Variants in GABRG3 observed in about 807,000 individuals in gnomAD.
GABRG3 encodes the protein gamma-aminobutyric acid type A receptor subunit gamma3.
GABRG3 carries 25 observed loss-of-function variants against 48.8 expected under a neutral mutation model. The observed-to-expected ratio is 0.51, with a 90% CI of 0.37 to 0.72. GABRG3 has a LOEUF of 0.72. Among genes scored for constraint, GABRG3 ranks in the 30% least tolerant of loss-of-function variants. GABRG3 has a pLI of 0.00. For synonymous variants in GABRG3, 227 were observed against 217.6 expected, an observed-to-expected ratio of 1.04 and a Z score of -0.38; for missense variants, 394 against 577.9, an observed-to-expected ratio of 0.68 and a Z score of 3.26.
chr15:27,388,271 G>A (rs1468869834), intron 5 of GABRG3, among the ~76,000 whole-genome samples: 2 of 48,876 alleles, frequency 4.1e-5, no homozygotes, highest in Non-Finnish European at 7.8e-5. Flanking sequence ...AGGAGGGAGG[G>A]AGGGTAAGGA....
At chr15:26,998,017 G>C (rs1054048809) in intron 2 of GABRG3, among the ~76,000 whole-genome samples, 1 of 152,190 alleles carries the variant, frequency 6.6e-6, no homozygotes, top group Non-Finnish European at 1.5e-5. Flanking sequence ...TGATGTATTT[G>C]TGGCTTGGGA....
chr15:27,360,983 A>G (rs1895004665), intron 5 of GABRG3, among the ~76,000 whole-genome samples: 1 of 152,146 alleles, frequency 6.6e-6, no homozygotes, highest in Non-Finnish European at 1.5e-5. Context: ...TGGAGGCCTT[A>G]GTTTCCCCAA....
chr15:27,214,920 G>C (rs575691311), intron 3 of GABRG3, among the ~76,000 whole-genome samples: 1 of 152,226 alleles, frequency 6.6e-6, no homozygotes, highest in South Asian at 2.1e-4. Flanking sequence ...AACCCAAAAG[G>C]TCCAAATCCT....
intron 5 of GABRG3, among the ~76,000 whole-genome samples, chr15:27,429,508 A>G (rs1320641556): frequency 2.0e-5 from 3 of 152,224 alleles, no homozygotes; most frequent in Non-Finnish European, 1.5e-5. Flanking sequence ...GAATTCTGCA[A>G]CTGTCACCAC....
chr15:27,470,063 C>T lies in GABRG3; in HGVS notation c.575-10587C>T, dbSNP rs186982826. Among the ~76,000 whole-genome samples, 17 of 152,248 alleles carry T rather than the reference C, an allele frequency of 1.1e-4. No individual in the cohort carries two copies. In the East Asian group the frequency reaches 2.9e-3, roughly 26 times the overall value. On this transcript the variant is annotated intron_variant, in intron 5 of 9. Transcript: ENST00000615808. Reference sequence around the variant, plus strand: ...GGTTTGTTTATTGAAAAAACTTGCACATCAGTACTTATTTAGCCTGAAATT... The same window carrying T: ...GGTTTGTTTATTGAAAAAACTTGCATATCAGTACTTATTTAGCCTGAAATT...
At chr15:27,243,058 C>T (rs911234421) in intron 3 of GABRG3, among the ~76,000 whole-genome samples, 21 of 152,166 alleles carry the variant, frequency 1.4e-4, no homozygotes, top group African/African-American at 4.8e-4. Context: ...TAGATGATTA[C>T]GACCCGTAGC....
rs866226512 is a variant in GABRG3 at position 27,307,772 on chromosome 15, A to C, written c.271-19037A>C. ...ATATATAAACATATAAAATAAACAT[A>C]TGTTTATATATAAACATATATATAA... On this transcript the variant is annotated intron_variant, in intron 3 of 9. Transcript: ENST00000615808. Among the ~76,000 whole-genome samples the C allele has an allele frequency of 4.0e-3, 456 of 113,360 alleles. 3 individuals carry two copies. Among genetic ancestry groups the C allele is most frequent in the African/African-American group, 0.015 (423 of 27,938 alleles). The allele number at this position is 113,360 out of a possible 152,430, so 74.4% of individuals were successfully genotyped here. A position where few individuals can be genotyped will look rare whatever the true frequency, so the allele number is the denominator to read the frequency against.
At chr15:27,042,763 C>T (rs1314986093) in intron 3 of GABRG3, among the ~76,000 whole-genome samples, 2 of 152,246 alleles carry the variant, frequency 1.3e-5, no homozygotes, top group Admixed American at 6.5e-5. Context: ...AATGCTCAGC[C>T]ACCTGGATGA....
chr15:27,039,299 G>A (rs1343900520), intron 3 of GABRG3, among the ~76,000 whole-genome samples: 3 of 152,208 alleles, frequency 2.0e-5, no homozygotes, highest in Non-Finnish European at 2.9e-5. Flanking sequence ...GCCAAGCACA[G>A]GATCTTTGTC....
chr15:27,414,698 C>G (rs1014795507), intron 5 of GABRG3, among the ~76,000 whole-genome samples: 4 of 152,172 alleles, frequency 2.6e-5, no homozygotes, highest in African/African-American at 9.7e-5. Context: ...AGAGACCACA[C>G]TCTCATGAGC....
chr15:27,164,729 G>A (rs114685766), intron 3 of GABRG3, among the ~76,000 whole-genome samples: 3,497 of 152,304 alleles, frequency 0.023, 140 homozygotes, highest in African/African-American at 0.08. Context: ...TGAGATTTAC[G>A]TCGAACCTTT....
At chr15:27,286,241 T>C (rs1891607530) in intron 3 of GABRG3, among the ~76,000 whole-genome samples, 1 of 152,204 alleles carries the variant, frequency 6.6e-6, no homozygotes, top group Non-Finnish European at 1.5e-5. Flanking sequence ...AGGGCACTGT[T>C]TGACTTGCTT....
At chr15:27,322,494 A>C (rs903553213) in intron 3 of GABRG3, among the ~76,000 whole-genome samples, 1 of 152,196 alleles carries the variant, frequency 6.6e-6, no homozygotes, top group Admixed American at 6.5e-5. Flanking sequence ...CCATCCCATC[A>C]TGTTCTTCTT....
intron 5 of GABRG3, among the ~76,000 whole-genome samples, chr15:27,405,398 G>T (rs903493555): frequency 6.6e-6 from 1 of 152,188 alleles, no homozygotes; most frequent in Non-Finnish European, 1.5e-5. Flanking sequence ...ATGCATGTTA[G>T]ATTGGAAACA....
intron 2 of GABRG3, among the ~76,000 whole-genome samples, chr15:26,980,502 C>A (rs1003962404): frequency 4.0e-5 from 6 of 151,882 alleles, no homozygotes; most frequent in Non-Finnish European, 8.8e-5. Context: ...ACGGTGAAAT[C>A]CCGTCTCTAC....
At chr15:27,399,802 G>A (rs1301322554) in intron 5 of GABRG3, among the ~76,000 whole-genome samples, 2 of 152,106 alleles carry the variant, frequency 1.3e-5, no homozygotes, top group African/African-American at 4.8e-5. Context: ...AATGATGACA[G>A]TAGACCCAGA....
intron 3 of GABRG3, among the ~76,000 whole-genome samples, chr15:27,032,619 T>G (rs751255431): frequency 6.6e-6 from 1 of 152,110 alleles, no homozygotes; most frequent in Non-Finnish European, 1.5e-5. Flanking sequence ...CCAGATCTCT[T>G]GTGAACTAAC....
intron 3 of GABRG3, among the ~76,000 whole-genome samples, chr15:27,071,005 C>T (rs1038033849): frequency 1.5e-4 from 23 of 152,218 alleles, no homozygotes; most frequent in African/African-American, 5.5e-4. Flanking sequence ...TGGCTGCTTT[C>T]TAATGCCCTG....
At chr15:27,041,168 G>A (rs1321081971) in intron 3 of GABRG3, among the ~76,000 whole-genome samples, 1 of 152,086 alleles carries the variant, frequency 6.6e-6, no homozygotes, top group Non-Finnish European at 1.5e-5. Flanking sequence ...ATCTTGTTTA[G>A]TTTATGTGTG....
Sources: gnomAD v4.1 joint callset for allele counts (sites outside exome capture counted in the v4.1 genomes callset) on GRCh38, gnomAD v4.1.1 for gene constraint, MANE v1.5 for transcripts, NCBI Gene and HGNC (gene_info 2026-07-23, HGNC 2026-07-21) for gene names.